The following GABRB2 variants were observed in gnomAD, a reference collection of about 807,000 sequenced individuals.
GABRB2 encodes the protein gamma-aminobutyric acid type A receptor subunit beta2.
GABRB2 carries 16 observed loss-of-function variants against 54.7 expected under a neutral mutation model. The observed-to-expected ratio is 0.29, with a 90% CI of 0.20 to 0.44. GABRB2 has a LOEUF of 0.44. Ranked by LOEUF, GABRB2 falls within the 20% of genes least tolerant of loss-of-function variation. The pLI, the probability that GABRB2 is intolerant of heterozygous loss-of-function variation, is 1.00. For missense variants in GABRB2, 355 were observed against 644.0 expected, an observed-to-expected ratio of 0.55 and a Z score of 4.86; for synonymous variants, 244 against 233.8, an observed-to-expected ratio of 1.04 and a Z score of -0.40.
intron 3 of GABRB2, among the ~76,000 whole-genome samples, chr5:161,507,455 G>GT (rs1759640535): frequency 6.6e-6 from 1 of 152,022 alleles, no homozygotes; most frequent in African/African-American, 2.4e-5. Flanking sequence ...CAACTCTTCT[G>GT]TAAGTCTAAA....
chr5:161,367,327 G>A (rs1754999343), intron 5 of GABRB2, among the ~76,000 whole-genome samples: 1 of 152,138 alleles, frequency 6.6e-6, no homozygotes, highest in African/African-American at 2.4e-5. Flanking sequence ...CTCTTGTGAA[G>A]ATAAATGAGA....
intron 6 of GABRB2, 39 bp downstream of exon 6, chr5:161,336,593 G>T (rs373077343): frequency 8.3e-5 from 133 of 1,603,034 alleles, no homozygotes; most frequent in Non-Finnish European, 1.0e-4. Context: ...AAAATACGGT[G>T]AAGATTATTT....
chr5:161,433,657 T>C (rs946862156), intron 4 of GABRB2, among the ~76,000 whole-genome samples: 3 of 151,806 alleles, frequency 2.0e-5, no homozygotes, highest in Non-Finnish European at 4.4e-5. Context: ...AAAACAGAAT[T>C]ATGCTTATTA....
chr5:161,471,178 T>C (rs1758429060), intron 3 of GABRB2, among the ~76,000 whole-genome samples: 1 of 151,958 alleles, frequency 6.6e-6, no homozygotes, highest in South Asian at 2.1e-4. Flanking sequence ...GGAATAAGGA[T>C]TTCTGAAGGA....
At chr5:161,479,077 A>G (rs993142292) in intron 3 of GABRB2, among the ~76,000 whole-genome samples, 7 of 152,092 alleles carry the variant, frequency 4.6e-5, no homozygotes, top group Non-Finnish European at 1.0e-4. Context: ...ACAACAAAAA[A>G]TACACTTAGT....
chr5:161,443,935 G>A (rs1757538131), intron 4 of GABRB2, among the ~76,000 whole-genome samples: 1 of 152,140 alleles, frequency 6.6e-6, no homozygotes, highest in African/African-American at 2.4e-5. Flanking sequence ...AATTAGCTAA[G>A]AAGAGCCAAT....
At chr5:161,358,603 G>C (rs549921031) in intron 5 of GABRB2, among the ~76,000 whole-genome samples, 1 of 152,294 alleles carries the variant, frequency 6.6e-6, no homozygotes, top group Non-Finnish European at 1.5e-5. Context: ...CAAGATGGAG[G>C]GATTATATTT....
At chr5:161,415,934 T>TTTGTTTTG (rs2113129539) in intron 4 of GABRB2, among the ~76,000 whole-genome samples, 1 of 151,230 alleles carries the variant, frequency 6.6e-6, no homozygotes, top group Admixed American at 6.6e-5. Context: ...TTTGTTTTGT[T>TTTGTTTTG]TTGTTTTGTT....
chr5:161,479,305 A>G (rs967346657), intron 3 of GABRB2, among the ~76,000 whole-genome samples: 2 of 152,010 alleles, frequency 1.3e-5, no homozygotes, highest in African/African-American at 2.4e-5. Flanking sequence ...GAAGTGGAAT[A>G]CCCTCCTTTG....
intron 8 of GABRB2, among the ~76,000 whole-genome samples, chr5:161,328,398 T>C (rs544626793): frequency 6.6e-6 from 1 of 152,330 alleles, no homozygotes; most frequent in South Asian, 2.1e-4. Context: ...TTGAGGACTA[T>C]ATTACCCTCT....
chr5:161,397,217 G>A (rs1348091262), intron 5 of GABRB2, among the ~76,000 whole-genome samples: 1 of 152,098 alleles, frequency 6.6e-6, no homozygotes, highest in Non-Finnish European at 1.5e-5. Context: ...TTCTACATCT[G>A]TAAGAAATCT....
chr5:161,411,236 C>T (rs1369692771), intron 4 of GABRB2, among the ~76,000 whole-genome samples, 179 bp from the exon 5 acceptor site: 3 of 152,196 alleles, frequency 2.0e-5, no homozygotes, highest in South Asian at 2.1e-4. Flanking sequence ...AAGATAGAGA[C>T]TGGACTAAAT....
chr5:161,321,118 T>C (rs1758195277), intron 9 of GABRB2, among the ~76,000 whole-genome samples: 1 of 152,042 alleles, frequency 6.6e-6, no homozygotes, highest in Non-Finnish European at 1.5e-5. Context: ...CCCAAGTGAC[T>C]CTAGGTTGGC....
Position 161,331,028 on chromosome 5 carries a change from C to T in GABRB2, c.932G>A (p.Gly311Glu). The T allele has an allele frequency of 1.2e-6, 2 of 1,613,992 alleles. No individual in the cohort carries two copies. The highest frequency in any genetic ancestry group is 1.7e-6 in the Non-Finnish European group (2 of 1,179,988). ...YVKAIDMYLM[G>E]CFVFVFMALL... ...GGCCATGAAAACGAAGACAAAGCAC[C>T]CCATCAGGTACATGTCAATGGCCTT... is the stretch of plus-strand genomic sequence containing the variant. The change falls in exon 8 of 10, where the codon GGG becomes GAG. Residue 311 changes from glycine (G) to glutamate (E), a missense_variant. Physicochemically the swap from Gly to Glu is moderately conservative, Grantham distance 98. This residue lies in a region of GABRB2 where 25 missense variants were observed against 137.4 expected (regional missense o/e 0.18). Coordinates refer to ENST00000393959, the MANE Select transcript of GABRB2 (RefSeq NM_001371727.1).
chr5:161,481,544 T>G (rs1222157296), intron 3 of GABRB2, among the ~76,000 whole-genome samples: 1 of 151,958 alleles, frequency 6.6e-6, no homozygotes, highest in East Asian at 1.9e-4. Flanking sequence ...GGCACAAATA[T>G]CACTTAGAAT....
intron 5 of GABRB2, among the ~76,000 whole-genome samples, chr5:161,351,435 A>T (rs1754466424): frequency 6.6e-6 from 1 of 152,130 alleles, no homozygotes; most frequent in African/African-American, 2.4e-5. Context: ...GATGCCAAGA[A>T]CACATAATGG....
At chr5:161,352,779 C>T (rs910773311) in intron 5 of GABRB2, among the ~76,000 whole-genome samples, 1 of 151,954 alleles carries the variant, frequency 6.6e-6, no homozygotes, top group Non-Finnish European at 1.5e-5. Flanking sequence ...ACTATGTGTA[C>T]ATATTTCAAA....
At chr5:161,534,052 A>C (rs1581064905) in intron 3 of GABRB2, among the ~76,000 whole-genome samples, 1 of 152,206 alleles carries the variant, frequency 6.6e-6, no homozygotes, top group Non-Finnish European at 1.5e-5. Flanking sequence ...ACCATAAATG[A>C]AAATGGTAAT....
intron 3 of GABRB2, among the ~76,000 whole-genome samples, chr5:161,511,673 T>A (rs1478279365): frequency 6.6e-6 from 1 of 151,994 alleles, no homozygotes; most frequent in Non-Finnish European, 1.5e-5. Context: ...AAGCTCAAAA[T>A]TAAGGTGTCT....
Sources: allele counts gnomAD v4.1 joint callset (sites outside exome capture counted in the v4.1 genomes callset), GRCh38; gene constraint gnomAD v4.1.1; regional missense constraint gnomAD v4.1.1; transcripts MANE v1.5; gene names NCBI Gene and HGNC (gene_info 2026-07-23, HGNC 2026-07-21).